Variants in ARHGEF28 observed in about 807,000 individuals in gnomAD.
ARHGEF28 encodes Rho guanine nucleotide exchange factor 28, also known as 190 kDa guanine nucleotide exchange factor.
ARHGEF28 carries 152 observed loss-of-function variants against 206.6 expected under a neutral mutation model. That is an observed-to-expected ratio of 0.74 (90% CI 0.64 to 0.84). ARHGEF28 has a LOEUF of 0.84. ARHGEF28 is among the 40% of genes least tolerant of loss of function. The pLI, the probability that ARHGEF28 is intolerant of heterozygous loss-of-function variation, is 0.00. For synonymous variants in ARHGEF28, 763 were observed against 776.4 expected, an observed-to-expected ratio of 0.98 and a Z score of 0.29; for missense variants, 2,028 against 2,073.2, an observed-to-expected ratio of 0.98 and a Z score of 0.42.
chr5:73,659,016 A>G (rs1439617995), intron 1 of ARHGEF28, among the ~76,000 whole-genome samples: 1 of 151,162 alleles, frequency 6.6e-6, no homozygotes, highest in African/African-American at 2.4e-5. Context: ...CCACACTCAC[A>G]GGCAGGGGAC....
chr5:73,915,082 A>G (rs1477101625), intron 35 of ARHGEF28, among the ~76,000 whole-genome samples: 2 of 152,192 alleles, frequency 1.3e-5, no homozygotes, highest in Non-Finnish European at 2.9e-5. Context: ...ATATAGAACT[A>G]ATCTAATCCT....
chr5:73,894,529 C>A lies in ARHGEF28; in HGVS notation c.3795C>A (p.Gly1265=). 1 of 1,613,872 alleles carries A rather than the reference C, an allele frequency of 6.2e-7. No individual in the cohort carries two copies. The highest frequency in any genetic ancestry group is 8.5e-7 in the Non-Finnish European group (1 of 1,179,872). ...ACCTCCTTATTAAACCTGACCCAGG[C>A]GAGCCTCCCCAGGCAGCCTCATTAC... ...EPHLLIKPDP[G]EPPQAASLLA... Residue 1265 remains glycine, a synonymous_variant, in exon 29 of 36, where the codon GGC becomes GGA. Transcript: ENST00000513042.
At chr5:73,860,089 T>C (rs1214491612) in intron 16 of ARHGEF28, among the ~76,000 whole-genome samples, 2 of 152,196 alleles carry the variant, frequency 1.3e-5, no homozygotes, top group Non-Finnish European at 2.9e-5. Flanking sequence ...TTCTTTTCCG[T>C]GGCACACTAC....
intron 1 of ARHGEF28, among the ~76,000 whole-genome samples, chr5:73,652,996 A>T (rs1561310592): frequency 6.6e-6 from 1 of 152,186 alleles, no homozygotes; most frequent in South Asian, 2.1e-4. Context: ...TGTGTAGTTA[A>T]TGTGTATCAG....
chr5:73,708,677 A>G (rs1749077620), intron 2 of ARHGEF28, among the ~76,000 whole-genome samples: 1 of 152,192 alleles, frequency 6.6e-6, no homozygotes, highest in Non-Finnish European at 1.5e-5. Context: ...ATACAAGTGC[A>G]TGTATATCTT....
chr5:73,705,759 G>C (rs1297888869), intron 2 of ARHGEF28, among the ~76,000 whole-genome samples: 1 of 152,160 alleles, frequency 6.6e-6, no homozygotes, highest in African/African-American at 2.4e-5. Context: ...TTCAGAGATT[G>C]TGATTTCCTG....
chr5:73,870,164 A>G lies in ARHGEF28; in HGVS notation c.2521A>G (p.Asn841Asp). ...TCTTGTGGTGGATCCCTCATTTTGT[A>G]ATAGGCAGGAGAAGGATGTCATCAA... is the stretch of plus-strand genomic sequence containing the variant. ...WSLVVDPSFCNRQEKDVIKRQ... is the reference protein window; with the variant it reads ...WSLVVDPSFCDRQEKDVIKRQ... The change falls in exon 21 of 36, where the codon AAT becomes GAT. Residue 841 changes from asparagine to aspartate, a missense_variant. Asn to Asp is a conservative substitution (Grantham distance 23). Around this residue, in one of 3 missense-constraint regions of ARHGEF28, gnomAD observed 1,002 missense variants for 1,015.3 expected, o/e 0.99. Coordinates refer to ENST00000513042, the MANE Select transcript of ARHGEF28 (RefSeq NM_001177693.2). The G allele has an allele frequency of 1.2e-6, 2 of 1,613,878 alleles. No homozygotes were observed. The highest frequency in any genetic ancestry group is 1.7e-6 in the Non-Finnish European group (2 of 1,179,860).
chr5:73,868,183 A>T lies in ARHGEF28; in HGVS notation c.2381A>T (p.Gln794Leu). ...RSRSHSDELL[Q>L]SMGSSPSTES... ...AGGTCTCATTCTGATGAGCTGCTAC[A>T]GTCCATGGGCTCTTCTCCCTCTACA... is the stretch of plus-strand genomic sequence containing the variant. Residue 794 changes from glutamine (Q) to leucine (L), a missense_variant, in exon 20 of 36, where the codon CAG becomes CTG. By Grantham distance (113) the Gln-to-Leu change is moderately radical (BLOSUM62 -2). Around this residue, in one of 3 missense-constraint regions of ARHGEF28, gnomAD observed 1,002 missense variants for 1,015.3 expected, o/e 0.99. Transcript: ENST00000513042. 1 of 1,600,164 alleles carries T rather than the reference A, an allele frequency of 6.2e-7. No individual in the cohort carries two copies. The highest frequency in any genetic ancestry group is 8.5e-7 in the Non-Finnish European group (1 of 1,172,694).
chr5:73,761,708 T>C (rs1214458938), intron 4 of ARHGEF28, among the ~76,000 whole-genome samples: 1 of 152,098 alleles, frequency 6.6e-6, no homozygotes, highest in Non-Finnish European at 1.5e-5. Flanking sequence ...TGCTTTTATT[T>C]TGCAAGTTTG....
intron 2 of ARHGEF28, among the ~76,000 whole-genome samples, chr5:73,735,858 T>G (rs532296239): frequency 6.6e-6 from 1 of 152,230 alleles, no homozygotes; most frequent in African/African-American, 2.4e-5. Flanking sequence ...CTCTCACTGG[T>G]TTTCACGCCT....
intron 4 of ARHGEF28, 66 bp downstream of exon 4, chr5:73,753,268 A>G: frequency 6.9e-7 from 1 of 1,452,368 alleles, no homozygotes; most frequent in Non-Finnish European, 9.1e-7. Flanking sequence ...ACCTTATGCT[A>G]TACTGTGTGT....
chr5:73,923,208 C>T (rs1188798385), intron 35 of ARHGEF28: 1 of 1,488,248 alleles, frequency 6.7e-7, no homozygotes. Context: ...TAGGGTACTC[C>T]ACTCAACTAC....
intron 2 of ARHGEF28, among the ~76,000 whole-genome samples, chr5:73,686,520 CTT>C (rs753978925): frequency 3.6e-5 from 5 of 140,584 alleles, no homozygotes; most frequent in Non-Finnish European, 4.7e-5. Context: ...TTTTTCTTTT[CTT>C]TTTTTTTTTT....
intron 5 of ARHGEF28, among the ~76,000 whole-genome samples, chr5:73,774,547 A>G (rs1014669905): frequency 5.5e-4 from 83 of 152,208 alleles, no homozygotes; most frequent in Admixed American, 5.0e-3. Flanking sequence ...TTTTGAATCA[A>G]TGAATAACAG....
At chr5:73,906,427 C>A (rs1762559333) in intron 33 of ARHGEF28, among the ~76,000 whole-genome samples, 1 of 152,116 alleles carries the variant, frequency 6.6e-6, no homozygotes. Context: ...CACCATGTTG[C>A]CCAGGCTGCA....
chr5:73,634,188 G>T (rs1391347546), intron 1 of ARHGEF28, among the ~76,000 whole-genome samples: 1 of 152,060 alleles, frequency 6.6e-6, no homozygotes, highest in Non-Finnish European at 1.5e-5. Context: ...TGTTATTTAG[G>T]CTGAAATCTA....
intron 9 of ARHGEF28, chr5:73,813,767 T>TAGCGCGTG (rs1755997285): frequency 7.3e-7 from 1 of 1,374,930 alleles, no homozygotes; most frequent in African/African-American, 1.4e-5. Context: ...TTTTCCAATG[T>TAGCGCGTG]AGCGCGTGTT....
In ARHGEF28 at chr5:73,776,644, C is replaced by T. The variant is rs1420483375; in HGVS notation, c.788C>T (p.Ala263Val). The T allele has an allele frequency of 6.2e-7, 1 of 1,613,836 alleles. No homozygotes were observed. Among genetic ancestry groups the T allele is most frequent in the East Asian group, 2.2e-5 (1 of 44,882 alleles). The change falls in exon 6 of 36, where the codon GCA becomes GTA. Residue 263 changes from alanine (A) to valine (V), a missense_variant. Ala to Val is a moderately conservative substitution (Grantham distance 64). Transcript: ENST00000513042. ...LNHTAEHLLE[A>V]DIKLFRKYFW... ...CACACAGCCGAGCATTTGTTGGAGG[C>T]AGATATTAAACTCTTCCGGAAATAC...
At chr5:73,885,729 G>T (rs1761239757) in intron 24 of ARHGEF28, 121 bp from the exon 25 acceptor site, 2 of 1,094,622 alleles carry the variant, frequency 1.8e-6, no homozygotes, top group Admixed American at 6.9e-5. Context: ...TTTCTTATGG[G>T]ATTTTTATTG....
Sources: allele counts gnomAD v4.1 joint callset (sites outside exome capture counted in the v4.1 genomes callset), GRCh38; gene constraint gnomAD v4.1.1; regional missense constraint gnomAD v4.1.1; transcripts MANE v1.5; gene names NCBI Gene and HGNC (gene_info 2026-07-23, HGNC 2026-07-21).